TGFB2: variants seen among roughly 807,000 people sequenced by gnomAD.
The protein encoded by TGFB2 is transforming growth factor beta 2.
A neutral mutation model predicts 42.7 loss-of-function variants in TGFB2; 13 were observed. That is an observed-to-expected ratio of 0.30 (90% CI 0.20 to 0.48). The LOEUF is 0.48. Among genes scored for constraint, TGFB2 ranks in the 20% least tolerant of loss-of-function variants. The pLI, the probability that TGFB2 is intolerant of heterozygous loss-of-function variation, is 0.99. For missense variants in TGFB2, 390 were observed against 517.5 expected, an observed-to-expected ratio of 0.75 and a Z score of 2.39; for synonymous variants, 193 against 193.6, an observed-to-expected ratio of 1.00 and a Z score of 0.03.
At chr1:218,414,957 G>A (rs1278475894) in intron 2 of TGFB2, among the ~76,000 whole-genome samples, 2 of 152,160 alleles carry the variant, frequency 1.3e-5, no homozygotes, top group Non-Finnish European at 2.9e-5. Flanking sequence ...CAGGGATCAT[G>A]CTCTTGACCA....
chr1:218,371,225 C>G (rs531247880), intron 1 of TGFB2, among the ~76,000 whole-genome samples: 1 of 152,010 alleles, frequency 6.6e-6, no homozygotes. Flanking sequence ...CACTTGATCC[C>G]GGGAGTTGGA....
rs894147558 is a variant in TGFB2 at position 218,444,102 on chromosome 1, C to T, written c.*2740C>T. The T allele has an allele frequency of 6.6e-6, 1 of 152,122 alleles. No homozygotes were observed. Among genetic ancestry groups the T allele is most frequent in the Non-Finnish European group, 1.5e-5 (1 of 68,022 alleles). The allele number at this position is 152,122 out of a possible 1,614,324, so 9.4% of individuals were successfully genotyped here. A position where few individuals can be genotyped will look rare whatever the true frequency, so the allele number is the denominator to read the frequency against. ...AAGTCATACCACCTTTCCGATTGCCCTCTGTGCTTTCTCCCTTAAGGACAG... is the reference window on the plus strand; with the variant it reads ...AAGTCATACCACCTTTCCGATTGCCTTCTGTGCTTTCTCCCTTAAGGACAG... On this transcript the variant is annotated 3_prime_UTR_variant, in exon 7 of 7. Transcript: ENST00000366930.
chr1:218,424,222 A>T (rs1243668001), intron 2 of TGFB2, among the ~76,000 whole-genome samples: 1 of 152,222 alleles, frequency 6.6e-6, no homozygotes, highest in Non-Finnish European at 1.5e-5. Context: ...TGATTTTAAC[A>T]TTGTTATCAC....
At chr1:218,374,543 A>C (rs1381183531) in intron 1 of TGFB2, among the ~76,000 whole-genome samples, 2 of 152,184 alleles carry the variant, frequency 1.3e-5, no homozygotes, top group East Asian at 3.8e-4. Flanking sequence ...CTGTACACTA[A>C]ACATAGCAAT....
intron 1 of TGFB2, among the ~76,000 whole-genome samples, chr1:218,355,184 G>T (rs971758924): frequency 6.6e-5 from 10 of 152,288 alleles, no homozygotes; most frequent in African/African-American, 2.2e-4. Flanking sequence ...ATAGGCCCGA[G>T]CCACCGTGCC....
At chr1:218,414,326 A>T (rs928370920) in intron 2 of TGFB2, among the ~76,000 whole-genome samples, 2 of 152,136 alleles carry the variant, frequency 1.3e-5, no homozygotes, top group Non-Finnish European at 2.9e-5. Context: ...CAGCCAAAAA[A>T]CTGTCTGTTA....
At chr1:218,379,202 G>C (rs770002425) in intron 1 of TGFB2, among the ~76,000 whole-genome samples, 5 of 145,466 alleles carry the variant, frequency 3.4e-5, no homozygotes, top group African/African-American at 1.3e-4. Context: ...GTGCGATCTC[G>C]GCTCACTGCA....
intron 2 of TGFB2, among the ~76,000 whole-genome samples, chr1:218,422,120 TA>T (rs1659473109): frequency 6.6e-6 from 1 of 152,176 alleles, no homozygotes; most frequent in Admixed American, 6.5e-5. Flanking sequence ...AATCCTAGTA[TA>T]TATTGTTAGA....
intron 2 of TGFB2, among the ~76,000 whole-genome samples, chr1:218,407,365 G>A (rs1658948023): frequency 6.6e-6 from 1 of 152,152 alleles, no homozygotes; most frequent in African/African-American, 2.4e-5. Context: ...CAGGCATGAG[G>A]CACTGTGCCT....
chr1:218,439,431 G>T (rs1431882355), intron 6 of TGFB2, among the ~76,000 whole-genome samples: 1 of 152,072 alleles, frequency 6.6e-6, no homozygotes, highest in East Asian at 1.9e-4. Flanking sequence ...GAGTTTGGGG[G>T]TTATCAATTA....
rs546704252 is a variant in TGFB2 at position 218,381,477 on chromosome 1, A to G, written c.347-23692A>G. ...CACCTTGTTAGCCAGGATGGTCTGG[A>G]TCTCCTGACCTCGTGATCCACCCGC... On this transcript the variant is annotated intron_variant, in intron 1 of 6. Transcript: ENST00000366930. Among the ~76,000 whole-genome samples, 1,051 of 152,026 alleles carry G rather than the reference A, an allele frequency of 6.9e-3. 7 individuals carry two copies. Among genetic ancestry groups the G allele is most frequent in the Middle Eastern group, 0.027 (8 of 294 alleles).
At chr1:218,361,220 T>C (rs1304416421) in intron 1 of TGFB2, among the ~76,000 whole-genome samples, 2 of 152,190 alleles carry the variant, frequency 1.3e-5, no homozygotes, top group African/African-American at 4.8e-5. Flanking sequence ...CATCCTTACA[T>C]CTCTATCTCA....
At chr1:218,436,509 C>A (rs989431492) in intron 5 of TGFB2, among the ~76,000 whole-genome samples, 6 of 152,206 alleles carry the variant, frequency 3.9e-5, no homozygotes, top group African/African-American at 1.4e-4. Context: ...CTGGATGATG[C>A]CTTCATCCTC....
At chr1:218,436,812 C>T (rs185042718) in intron 5 of TGFB2, among the ~76,000 whole-genome samples, 1 of 152,250 alleles carries the variant, frequency 6.6e-6, no homozygotes, top group Non-Finnish European at 1.5e-5. Flanking sequence ...TTGCCAGATC[C>T]AGTGGTTGCC....
intron 2 of TGFB2, among the ~76,000 whole-genome samples, chr1:218,412,063 TAGTC>T (rs1252043468): frequency 1.3e-5 from 2 of 152,172 alleles, no homozygotes; most frequent in East Asian, 1.9e-4. Flanking sequence ...AGTAAAGTAA[TAGTC>T]AGCCGACTGT....
intron 1 of TGFB2, among the ~76,000 whole-genome samples, chr1:218,397,723 T>C (rs778664063): frequency 2.0e-4 from 30 of 152,210 alleles, no homozygotes; most frequent in Admixed American, 1.3e-4. Context: ...CCATACTCTT[T>C]AAGAAAGACT....
chr1:218,395,424 A>G (rs983142696), intron 1 of TGFB2, among the ~76,000 whole-genome samples: 2 of 152,144 alleles, frequency 1.3e-5, no homozygotes, highest in Non-Finnish European at 2.9e-5. Context: ...TTTTGTTGCC[A>G]CCACGCTCCA....
chr1:218,431,512 G>A (rs1410116716), intron 2 of TGFB2, among the ~76,000 whole-genome samples: 2 of 152,130 alleles, frequency 1.3e-5, no homozygotes, highest in African/African-American at 4.8e-5. Context: ...ACATGTATAT[G>A]TATGTATATG....
At chr1:218,430,336 A>G (rs528759350) in intron 2 of TGFB2, among the ~76,000 whole-genome samples, 4 of 152,098 alleles carry the variant, frequency 2.6e-5, no homozygotes, top group Non-Finnish European at 5.9e-5. Flanking sequence ...CGGAGGTTGC[A>G]GTGAGCCAAG....
Sources: gnomAD v4.1 joint callset for allele counts (sites outside exome capture counted in the v4.1 genomes callset) on GRCh38, gnomAD v4.1.1 for gene constraint, MANE v1.5 for transcripts, NCBI Gene and HGNC (gene_info 2026-07-23, HGNC 2026-07-21) for gene names.